Variants in LINGO2 observed in about 807,000 individuals in gnomAD.
The protein encoded by LINGO2 is leucine-rich repeat and immunoglobulin-like domain-containing nogo receptor-interacting protein 2.
A neutral mutation model predicts 30.6 loss-of-function variants in LINGO2; 14 were observed. That is an observed-to-expected ratio of 0.46 (90% CI 0.30 to 0.72). The LOEUF is 0.72. Among genes scored for constraint, LINGO2 ranks in the 30% least tolerant of loss-of-function variants. The pLI, the probability that LINGO2 is intolerant of heterozygous loss-of-function variation, is 0.07. For missense variants in LINGO2, 729 were observed against 751.7 expected, an observed-to-expected ratio of 0.97 and a Z score of 0.35; for synonymous variants, 317 against 288.5, an observed-to-expected ratio of 1.10 and a Z score of -1.00.
Position 28,038,904 on chromosome 9 carries a change from A to G in LINGO2, c.-86-26499T>C, listed in dbSNP as rs114857604. Among the ~76,000 whole-genome samples the G allele has an allele frequency of 7.4e-3, 1,133 of 152,330 alleles. 20 individuals are homozygous for G. The highest frequency in any genetic ancestry group is 0.026 in the African/African-American group (1,067 of 41,566). On this transcript the variant is annotated intron_variant, in intron 4 of 5. Coordinates refer to ENST00000379992, the Ensembl canonical transcript of LINGO2. The stretch of plus-strand genomic sequence containing the variant: ...TGTATTCACTTCCCTCAGACACCAT[A>G]GTTGTTCGCTCTCTAGAAGTTGTCA...
chr9:28,879,088 C>G, the LINGO2 span, among the ~76,000 whole-genome samples: 2 of 152,028 alleles, frequency 1.3e-5, no homozygotes, highest in African/African-American at 4.8e-5. Context: ...ACTAGAAAAC[C>G]CCATTGTCTC....
At chr9:28,341,510 ACT>A (rs1275683681) in intron 3 of LINGO2, among the ~76,000 whole-genome samples, 1 of 152,096 alleles carries the variant, frequency 6.6e-6, no homozygotes, top group Non-Finnish European at 1.5e-5. Context: ...TGAGGACTCA[ACT>A]CTCCATGAAA....
chr9:28,684,900 G>A, the LINGO2 span, among the ~76,000 whole-genome samples: 2 of 152,024 alleles, frequency 1.3e-5, no homozygotes, highest in African/African-American at 4.8e-5. Context: ...CATGTTGCGT[G>A]GGTTTGATGT....
intron 4 of LINGO2, among the ~76,000 whole-genome samples, chr9:28,042,999 A>G (rs1384923399): frequency 6.6e-6 from 1 of 152,216 alleles, no homozygotes; most frequent in Admixed American, 6.5e-5. Flanking sequence ...GTCTAATGCA[A>G]TGTGACTTGA....
rs184372550 is a variant in LINGO2, at chr9:28,431,552, C to G, written c.-279+44388G>C. On this transcript the variant is annotated intron_variant, in intron 2 of 5. Transcript: ENST00000379992. ...TTATGTAGAATTTCTAGCACCATGG[C>G]CCTTGATTATGGCATTGACAGAAAC... Among the ~76,000 whole-genome samples the G allele has an allele frequency of 1.9e-3, 283 of 152,210 alleles. 3 individuals are homozygous for G. The highest frequency in any genetic ancestry group is 6.5e-3 in the African/African-American group (271 of 41,534).
At chr9:28,541,594 T>G (rs1346898300) in intron 1 of LINGO2, among the ~76,000 whole-genome samples, 1 of 152,146 alleles carries the variant, frequency 6.6e-6, no homozygotes, top group Non-Finnish European at 1.5e-5. Flanking sequence ...CCATGTCCAC[T>G]AATTGTAAAC....
the LINGO2 span, among the ~76,000 whole-genome samples, chr9:29,078,663 C>T: frequency 2.0e-5 from 3 of 151,868 alleles, no homozygotes; most frequent in African/African-American, 7.2e-5. Context: ...CACATATATG[C>T]CAACCAAGTG....
At chr9:28,634,502 T>TC (rs1317259528) in intron 1 of LINGO2, among the ~76,000 whole-genome samples, 1 of 149,856 alleles carries the variant, frequency 6.7e-6, no homozygotes, top group Non-Finnish European at 1.5e-5. Context: ...TTTTTTTTTT[T>TC]TGAAATGGAG....
intron 1 of LINGO2, among the ~76,000 whole-genome samples, chr9:28,485,538 C>T (rs1005143427): frequency 6.6e-6 from 1 of 151,962 alleles, no homozygotes; most frequent in Non-Finnish European, 1.5e-5. Context: ...ATGAAAAATA[C>T]CTCATGAAGG....
chr9:28,842,461 T>A, the LINGO2 span, among the ~76,000 whole-genome samples: 1 of 151,822 alleles, frequency 6.6e-6, no homozygotes, highest in African/African-American at 2.4e-5. Flanking sequence ...GATAAAACTG[T>A]TGGAAATGAA....
chr9:28,673,795 A>G (rs1384407441), upstream of LINGO2, among the ~76,000 whole-genome samples: 1 of 152,116 alleles, frequency 6.6e-6, no homozygotes, highest in Admixed American at 6.6e-5. Context: ...GACAAGACTG[A>G]GAACAAAAAC....
At chr9:28,047,177 T>TAC (rs1824461631) in intron 4 of LINGO2, among the ~76,000 whole-genome samples, 1 of 152,140 alleles carries the variant, frequency 6.6e-6, no homozygotes, top group African/African-American at 2.4e-5. Context: ...GGTGGAGATG[T>TAC]ACTTCGTCTT....
intron 4 of LINGO2, among the ~76,000 whole-genome samples, chr9:28,216,531 C>T (rs549091726): frequency 2.0e-5 from 3 of 151,996 alleles, no homozygotes; most frequent in Admixed American, 6.6e-5. Flanking sequence ...ATATGATTTT[C>T]GTGTTGACAA....
At chr9:28,861,470 G>T in the LINGO2 span, among the ~76,000 whole-genome samples, 1 of 149,448 alleles carries the variant, frequency 6.7e-6, no homozygotes, top group Non-Finnish European at 1.5e-5. Context: ...AATTAGGGAA[G>T]CTTGATATTA....
At chr9:29,020,089 T>C in the LINGO2 span, among the ~76,000 whole-genome samples, 23 of 152,190 alleles carry the variant, frequency 1.5e-4, no homozygotes, top group Admixed American at 1.4e-3. Context: ...TGCAGTTTAA[T>C]GGGAGATCCA....
chr9:28,895,635 C>T, the LINGO2 span, among the ~76,000 whole-genome samples: 6 of 152,074 alleles, frequency 3.9e-5, 1 homozygote, highest in East Asian at 3.9e-4. Context: ...GTGCCCTACT[C>T]GCAAATAATA....
chr9:28,781,036 C>T, the LINGO2 span, among the ~76,000 whole-genome samples: 2 of 152,022 alleles, frequency 1.3e-5, no homozygotes, highest in South Asian at 4.2e-4. Flanking sequence ...TGTTTATATA[C>T]AGAGTCATAA....
intron 5 of LINGO2, among the ~76,000 whole-genome samples, chr9:27,988,262 G>T (rs1641205071): frequency 6.6e-6 from 1 of 152,016 alleles, no homozygotes; most frequent in Non-Finnish European, 1.5e-5. Context: ...ATGGACATTT[G>T]GGTTGGTTCC....
At chr9:28,353,812 AC>A (rs1820030223) in intron 3 of LINGO2, among the ~76,000 whole-genome samples, 1 of 152,018 alleles carries the variant, frequency 6.6e-6, no homozygotes, top group African/African-American at 2.4e-5. Context: ...ACCATGGAAT[AC>A]TATGCAGCCA....
Sources: allele counts gnomAD v4.1 joint callset (sites outside exome capture counted in the v4.1 genomes callset), GRCh38; gene constraint gnomAD v4.1.1; transcripts MANE v1.5; gene names NCBI Gene and HGNC (gene_info 2026-07-23, HGNC 2026-07-21).